Variants in ZNF560 observed in about 807,000 individuals in gnomAD.
ZNF560 encodes the protein zinc finger protein 560.
Under a neutral mutation model 81.8 loss-of-function variants are expected in ZNF560, and 54 were observed. The observed-to-expected ratio is 0.66, with a 90% confidence interval of 0.53 to 0.83. The LOEUF (loss-of-function observed/expected upper bound fraction) is 0.83. ZNF560 is among the 40% of genes least tolerant of loss of function. The pLI, the probability that ZNF560 is intolerant of heterozygous loss-of-function variation, is 0.00. For missense variants in ZNF560, 940 were observed against 932.4 expected (o/e 1.01, Z -0.11); for synonymous variants, 321 against 317.9 (o/e 1.01, Z -0.10).
chr19:9,484,363 A>G (rs879431753), intron 2 of ZNF560, among the ~76,000 whole-genome samples: 4 of 152,098 alleles, frequency 2.6e-5, no homozygotes, highest in South Asian at 2.1e-4. Flanking sequence ...TATGGCAGCC[A>G]CTAGACATGT....
intron 1 of ZNF560, 23 bp downstream of exon 1, chr19:9,498,515 C>G (rs2073598491): frequency 6.6e-6 from 1 of 152,628 alleles, no homozygotes; most frequent in East Asian, 1.9e-4. Flanking sequence ...ACCGCCCAAC[C>G]CACTAGTCCA....
chr19:9,459,778 A>G, the ZNF560 span, among the ~76,000 whole-genome samples: 1 of 152,116 alleles, frequency 6.6e-6, no homozygotes, highest in Non-Finnish European at 1.5e-5. Context: ...AGGTTCTTCT[A>G]ACTCAAGATA....
At chr19:9,506,450 T>C in the ZNF560 span, among the ~76,000 whole-genome samples, 221 of 151,946 alleles carry the variant, frequency 1.5e-3, 3 homozygotes, top group African/African-American at 5.0e-3. Flanking sequence ...CTTTATATAT[T>C]GTATGCCTAA....
At chr19:9,496,370 C>T (rs368640731) in intron 2 of ZNF560, among the ~76,000 whole-genome samples, 7 of 151,508 alleles carry the variant, frequency 4.6e-5, no homozygotes, top group African/African-American at 1.5e-4. Flanking sequence ...AAAAAAACCC[C>T]GCAAATATAT....
chr19:9,451,405 A>G, the ZNF560 span, among the ~76,000 whole-genome samples: 2 of 152,248 alleles, frequency 1.3e-5, no homozygotes, highest in African/African-American at 4.8e-5. Context: ...ACTGGGAATA[A>G]CTGGCTAGCC....
chr19:9,480,696 T>G (rs1373940797), intron 2 of ZNF560, among the ~76,000 whole-genome samples: 1 of 151,286 alleles, frequency 6.6e-6, no homozygotes, highest in Non-Finnish European at 1.5e-5. Flanking sequence ...TTGCAGCACT[T>G]TGGGAGGCTG....
At chr19:9,448,381 A>ACCACCATG in the ZNF560 span, among the ~76,000 whole-genome samples, 1 of 131,824 alleles carries the variant, frequency 7.6e-6, no homozygotes, top group Non-Finnish European at 1.6e-5. Flanking sequence ...ACAGGCATGC[A>ACCACCATG]CCACCATGCC....
intron 2 of ZNF560, among the ~76,000 whole-genome samples, chr19:9,491,550 G>C (rs2073473277): frequency 6.6e-6 from 1 of 152,052 alleles, no homozygotes; most frequent in Non-Finnish European, 1.5e-5. Context: ...TTCTTGGCCA[G>C]GCATGGTGGC....
the ZNF560 span, among the ~76,000 whole-genome samples, chr19:9,456,924 A>G: frequency 2.0e-5 from 3 of 152,214 alleles, no homozygotes; most frequent in Non-Finnish European, 2.9e-5. Context: ...GAACTAGGAA[A>G]AAATTTGCAA....
chr19:9,484,496 T>C (rs763459419), intron 2 of ZNF560, among the ~76,000 whole-genome samples: 1 of 151,936 alleles, frequency 6.6e-6, no homozygotes, highest in Non-Finnish European at 1.5e-5. Flanking sequence ...AATAATTGTT[T>C]TCTGGCAGAG....
chr19:9,452,678 T>G, the ZNF560 span, among the ~76,000 whole-genome samples: 9 of 152,168 alleles, frequency 5.9e-5, no homozygotes, highest in Admixed American at 5.2e-4. Flanking sequence ...CATGTTCTCA[T>G]TTGTGAGAGC....
chr19:9,449,206 G>A, the ZNF560 span, among the ~76,000 whole-genome samples: 2 of 152,018 alleles, frequency 1.3e-5, no homozygotes, highest in Non-Finnish European at 1.5e-5. Flanking sequence ...TATTCTTCTC[G>A]TCTGCACACA....
At position 9,467,203 on chromosome 19, in the gene ZNF560, T is replaced by G; in HGVS notation, c.1744A>C (p.Thr582Pro). The G allele has an allele frequency of 6.2e-7, 1 of 1,614,124 alleles. No homozygotes were observed. Among genetic ancestry groups the G allele is most frequent in the South Asian group, 1.1e-5 (1 of 91,078 alleles). Residue 582 changes from threonine to proline, a missense_variant, in exon 10 of 10, where the codon ACT (threonine) becomes CCT (proline). Thr to Pro is a conservative substitution (Grantham distance 38). Coordinates refer to ENST00000301480, the MANE Select transcript of ZNF560 (RefSeq NM_152476.3). ...YECMKCGKAF[T>P]ERSYLTKHLR... ...TGTTTAGTAAGGTATGAGCGCTCAG[T>G]GAAGGCTTTCCCACATTTCATACAT...
chr19:9,499,414 G>A (rs2073612495), upstream of ZNF560, among the ~76,000 whole-genome samples: 1 of 152,114 alleles, frequency 6.6e-6, no homozygotes, highest in Non-Finnish European at 1.5e-5. Context: ...AGGCTGGTCT[G>A]GAACTCCTGG....
At chr19:9,502,311 A>G (rs1172124007), upstream of ZNF560, among the ~76,000 whole-genome samples, 2 of 152,016 alleles carry the variant, frequency 1.3e-5, no homozygotes, top group East Asian at 3.9e-4. Context: ...TCCCAGGTTC[A>G]AGCAATTCTC....
chr19:9,450,365 C>T, the ZNF560 span, among the ~76,000 whole-genome samples: 1 of 151,850 alleles, frequency 6.6e-6, no homozygotes, highest in Non-Finnish European at 1.5e-5. Context: ...GGAGTCCCAG[C>T]CAGAACAATC....
chr19:9,469,774 G>T, intron 7 of ZNF560, 64 bp from the exon 8 acceptor site: 1 of 1,365,092 alleles, frequency 7.3e-7, no homozygotes, highest in South Asian at 1.2e-5. Flanking sequence ...ACTTTTCCAT[G>T]AAACAGGGAC....
intron 2 of ZNF560, among the ~76,000 whole-genome samples, chr19:9,488,403 C>T (rs2073419335): frequency 6.6e-6 from 1 of 152,062 alleles, no homozygotes; most frequent in Middle Eastern, 3.2e-3. Flanking sequence ...GCCTCCCTTA[C>T]CAGGGACGTA....
Position 9,467,675 on chromosome 19 carries a change from T to C in ZNF560, c.1272A>G (p.Arg424=), listed in dbSNP as rs1330706306. The change falls in exon 10 of 10, where the codon AGA becomes AGG. Residue 424 remains arginine, a synonymous_variant. Coordinates refer to ENST00000301480, the MANE Select transcript of ZNF560 (RefSeq NM_152476.3). ...GTSAGLIEHI[R]CHAREKTFKC... is the part of the protein sequence containing the mutation. ...TAAAGGTTTTCTCTCTGGCGTGACA[T>C]CTTATATGTTCAATAAGGCCTGCAG... 3 of 1,614,088 alleles carry C rather than the reference T, an allele frequency of 1.9e-6. No homozygotes were observed. Among genetic ancestry groups the C allele is most frequent in the Non-Finnish European group, 2.5e-6 (3 of 1,180,008 alleles).
Sources: allele counts gnomAD v4.1 joint callset (sites outside exome capture counted in the v4.1 genomes callset), GRCh38; gene constraint gnomAD v4.1.1; transcripts MANE v1.5; gene names NCBI Gene and HGNC (gene_info 2026-07-23, HGNC 2026-07-21).